CDKL2: variants seen among roughly 807,000 people sequenced by gnomAD.
CDKL2 encodes cyclin dependent kinase like 2.
Under a neutral mutation model 63.9 loss-of-function variants are expected in CDKL2, and 64 were observed. The observed-to-expected ratio is 1.00, with a 90% CI of 0.82 to 1.23. The LOEUF (loss-of-function observed/expected upper bound fraction) is 1.23. CDKL2 is among the 50% of genes most tolerant of loss of function. The pLI is 0.00. For missense variants in CDKL2, 656 were observed against 668.0 expected, an observed-to-expected ratio of 0.98 and a Z score of 0.20; for synonymous variants, 211 against 229.2, an observed-to-expected ratio of 0.92 and a Z score of 0.72.
At chr4:75,603,359 A>T (rs1487304360) in intron 6 of CDKL2, among the ~76,000 whole-genome samples, 2 of 151,988 alleles carry the variant, frequency 1.3e-5, no homozygotes, top group African/African-American at 4.8e-5. Context: ...TTTTCTCTGA[A>T]GTTACCCCCA....
At chr4:75,622,191 G>A (rs1315274376) in intron 2 of CDKL2, among the ~76,000 whole-genome samples, 1 of 152,068 alleles carries the variant, frequency 6.6e-6, no homozygotes, top group Non-Finnish European at 1.5e-5. Flanking sequence ...CAACTAGGAA[G>A]AGAAGTATAA....
At chr4:75,584,965 G>A (rs35443067) in intron 12 of CDKL2, among the ~76,000 whole-genome samples, 43,107 of 152,018 alleles carry the variant, frequency 0.28, 7,516 homozygotes, top group East Asian at 0.76. Context: ...AATAATAAAC[G>A]AATACACATT....
At chr4:75,621,736 C>T (rs909264236) in intron 2 of CDKL2, among the ~76,000 whole-genome samples, 3 of 151,792 alleles carry the variant, frequency 2.0e-5, no homozygotes, top group Non-Finnish European at 2.9e-5. Flanking sequence ...AGAATACATA[C>T]TTTTTTTTAC....
At chr4:75,588,581 A>T (rs1186718636) in intron 12 of CDKL2, among the ~76,000 whole-genome samples, 1 of 152,200 alleles carries the variant, frequency 6.6e-6, no homozygotes, top group African/African-American at 2.4e-5. Flanking sequence ...TGGGTGTTGG[A>T]TTCACAATTA....
At chr4:75,597,969 T>A (rs1169379196) in intron 8 of CDKL2, 108 bp downstream of exon 8, 29 of 649,450 alleles carry the variant, frequency 4.5e-5, no homozygotes, top group Non-Finnish European at 1.0e-5. Context: ...AACTAAAAGT[T>A]AACAATTTGC....
intron 2 of CDKL2, among the ~76,000 whole-genome samples, chr4:75,624,975 TTC>T (rs2148915819): frequency 6.6e-6 from 1 of 152,346 alleles, no homozygotes; most frequent in Non-Finnish European, 1.5e-5. Flanking sequence ...ATAATACTGT[TTC>T]TGTTTATAAA....
intron 6 of CDKL2, among the ~76,000 whole-genome samples, chr4:75,601,323 ATTATTTTATT>A (rs1164516516): frequency 1.3e-5 from 2 of 152,118 alleles, no homozygotes; most frequent in Admixed American, 6.5e-5. Flanking sequence ...CTTTACAAAG[ATTATTTTATT>A]TTATTTTATT....
intron 3 of CDKL2, among the ~76,000 whole-genome samples, chr4:75,612,220 A>G (rs1729732748): frequency 6.6e-6 from 1 of 152,116 alleles, no homozygotes; most frequent in South Asian, 2.1e-4. Context: ...TGATCAGACC[A>G]CGTCGGCCCC....
chr4:75,610,213 A>G (rs1041257662), intron 3 of CDKL2, among the ~76,000 whole-genome samples: 11 of 145,564 alleles, frequency 7.6e-5, no homozygotes, highest in African/African-American at 2.5e-4. Flanking sequence ...AAAAAAAAAA[A>G]GAAAAAGAAA....
chr4:75,593,325 TATATA>T (rs1324397452), intron 10 of CDKL2, among the ~76,000 whole-genome samples: 2 of 151,158 alleles, frequency 1.3e-5, no homozygotes, highest in Non-Finnish European at 3.0e-5. Context: ...ACATATATAA[TATATA>T]ATATAATATA....
At chr4:75,581,696 T>G (rs1728269852) in intron 13 of CDKL2, 114 bp downstream of exon 13, 1 of 574,206 alleles carries the variant, frequency 1.7e-6, no homozygotes, top group African/African-American at 1.9e-5. Flanking sequence ...TATCAGAAGT[T>G]CTCATGGAAT....
chr4:75,597,166 T>TC lies in CDKL2; in HGVS notation c.1090dup (p.Glu364GlyfsTer4). 5.0e-6 allele frequency: 8 copies of TC among 1,613,724 alleles called. No homozygotes were observed. Among genetic ancestry groups the TC allele is most frequent in the Non-Finnish European group, 6.8e-6 (8 of 1,179,602 alleles). On this transcript the variant is annotated frameshift_variant, in exon 9 of 14. Coordinates refer to ENST00000307465, the MANE Select transcript of CDKL2 (RefSeq NM_001330724.2). LOFTEE classifies it high-confidence loss of function. ...AGCTCTATTGCCTTTTTCAGCTTTT[T>TC]CTCCATCAATTTTTGAGCCTTTTAT...
chr4:75,626,837 G>A (rs183559217), intron 1 of CDKL2, among the ~76,000 whole-genome samples: 8 of 152,158 alleles, frequency 5.3e-5, no homozygotes, highest in African/African-American at 1.7e-4. Context: ...GCTGCAGTGA[G>A]CTGTGATGGC....
intron 3 of CDKL2, among the ~76,000 whole-genome samples, chr4:75,610,182 G>A (rs1729626122): frequency 2.0e-5 from 3 of 148,072 alleles, no homozygotes; most frequent in African/African-American, 7.5e-5. Context: ...CATCCTGGGC[G>A]ACAGAGCGAG....
intron 3 of CDKL2, among the ~76,000 whole-genome samples, chr4:75,613,124 C>CAAAA (rs143485625): frequency 2.8e-5 from 4 of 142,346 alleles, no homozygotes; most frequent in Non-Finnish European, 4.6e-5. Context: ...GACTCCGTTT[C>CAAAA]AAAAAAAAAT....
chr4:75,618,239 CTTTTTTT>C (rs56002333), intron 2 of CDKL2, among the ~76,000 whole-genome samples: 8 of 52,944 alleles, frequency 1.5e-4, no homozygotes, highest in South Asian at 1.0e-3. Flanking sequence ...ATTGAAAATT[CTTTTTTT>C]TTTTTTTTTT....
chr4:75,605,706 T>C (rs907446383), intron 4 of CDKL2, 72 bp from the exon 5 acceptor site: 1 of 901,862 alleles, frequency 1.1e-6, no homozygotes, highest in Non-Finnish European at 1.8e-6. Context: ...TTTTGAGCAC[T>C]GAGGTGATGC....
At chr4:75,603,730 A>ATT in intron 6 of CDKL2, 87 bp downstream of exon 6, 1 of 749,388 alleles carries the variant, frequency 1.3e-6, no homozygotes, top group Non-Finnish European at 2.0e-6. Flanking sequence ...AAAAAAAAAG[A>ATT]TCAACTAGAC....
At chr4:75,580,741 C>A (rs1248162042) in intron 13 of CDKL2, among the ~76,000 whole-genome samples, 1 of 146,858 alleles carries the variant, frequency 6.8e-6, no homozygotes, top group Admixed American at 6.7e-5. Context: ...CGCTCTGTCG[C>A]CCAGGCTGGA....
Sources: gnomAD v4.1 joint callset for allele counts (sites outside exome capture counted in the v4.1 genomes callset) on GRCh38, gnomAD v4.1.1 for gene constraint, MANE v1.5 for transcripts, NCBI Gene and HGNC (gene_info 2026-07-23, HGNC 2026-07-21) for gene names.